PHF21B: variants seen among roughly 807,000 people sequenced by gnomAD.
PHF21B encodes the protein PHD finger protein 4.
PHF21B carries 22 observed loss-of-function variants against 62.2 expected under a neutral mutation model. That is an observed-to-expected ratio of 0.35 (90% CI 0.25 to 0.51). The LOEUF is 0.51. Among genes scored for constraint, PHF21B ranks in the 20% least tolerant of loss-of-function variants. PHF21B has a pLI of 0.97. For missense variants in PHF21B, 701 were observed against 707.9 expected (o/e 0.99, Z 0.11); for synonymous variants, 341 against 314.7 (o/e 1.08, Z -0.88).
chr22:44,941,060 C>G (rs568815637), intron 2 of PHF21B, among the ~76,000 whole-genome samples: 4 of 152,242 alleles, frequency 2.6e-5, no homozygotes, highest in African/African-American at 7.2e-5. Context: ...ATCCACAGCA[C>G]CCCGCAGCGC....
intron 2 of PHF21B, among the ~76,000 whole-genome samples, chr22:44,926,220 C>A (rs558308123): frequency 6.6e-6 from 1 of 151,608 alleles, no homozygotes; most frequent in Non-Finnish European, 1.5e-5. Flanking sequence ...AAGGCCCACA[C>A]GGCATGTGGG....
chr22:44,891,282 A>G, intron 8 of PHF21B, 24 bp downstream of exon 8: 1 of 1,613,018 alleles, frequency 6.2e-7, no homozygotes. Flanking sequence ...CAGCTCTGGC[A>G]GAAGGCCTGA....
intron 5 of PHF21B, 134 bp downstream of exon 5, chr22:44,913,688 G>C: frequency 1.5e-6 from 2 of 1,306,672 alleles, no homozygotes; most frequent in South Asian, 3.4e-5. Flanking sequence ...CCTGGTCGCC[G>C]ACTGCACAGG....
At chr22:44,992,112 T>G (rs929544935) in intron 2 of PHF21B, among the ~76,000 whole-genome samples, 2 of 152,266 alleles carry the variant, frequency 1.3e-5, no homozygotes, top group Non-Finnish European at 2.9e-5. Flanking sequence ...GTTCTCTCAG[T>G]GCATTCTTAG....
intron 2 of PHF21B, among the ~76,000 whole-genome samples, chr22:44,990,210 C>T (rs1389600081): frequency 6.6e-6 from 1 of 152,204 alleles, no homozygotes; most frequent in East Asian, 1.9e-4. Context: ...CTGGACTATG[C>T]CCCCAGAGGA....
chr22:44,901,839 T>C (rs921092309), intron 5 of PHF21B: 2 of 271,970 alleles, frequency 7.4e-6, no homozygotes, highest in Non-Finnish European at 1.4e-5. Context: ...GAGGAGAAGG[T>C]TCTTGCAACT....
chr22:44,983,746 A>C (rs1012235173), intron 2 of PHF21B, among the ~76,000 whole-genome samples: 1 of 152,346 alleles, frequency 6.6e-6, no homozygotes, highest in African/African-American at 2.4e-5. Flanking sequence ...CAGACTGTTT[A>C]CAAACTGCTA....
At chr22:44,935,507 G>A (rs1029376989) in intron 2 of PHF21B, among the ~76,000 whole-genome samples, 7 of 152,108 alleles carry the variant, frequency 4.6e-5, no homozygotes, top group African/African-American at 1.4e-4. Flanking sequence ...CCAGCTGCTC[G>A]GGAGGCTGAG....
chr22:44,980,520 G>A (rs1482005657), intron 2 of PHF21B, among the ~76,000 whole-genome samples: 1 of 152,180 alleles, frequency 6.6e-6, no homozygotes, highest in Non-Finnish European at 1.5e-5. Context: ...CAGCCCATAA[G>A]TAAAACCCAG....
At chr22:44,947,798 A>C (rs2072105471) in intron 2 of PHF21B, among the ~76,000 whole-genome samples, 2 of 152,056 alleles carry the variant, frequency 1.3e-5, no homozygotes, top group African/African-American at 4.8e-5. Context: ...GATATGTTTC[A>C]GTTTGTCACT....
chr22:44,968,750 C>CCCAAAAT lies in PHF21B; in HGVS notation c.120+39788_120+39794dup, dbSNP rs560650202. 4.0e-3 allele frequency among the ~76,000 whole-genome samples: 607 copies of CCCAAAAT among 152,230 alleles called. 6 individuals are homozygous for CCCAAAAT. Among genetic ancestry groups the CCCAAAAT allele is most frequent in the African/African-American group, 0.014 (593 of 41,532 alleles). ...TACTTATCCACTGAGCCTCGCTAAC[C>CCCAAAAT]CCAAAATCCAAAATCCAAAATGCTC... On this transcript the variant is annotated intron_variant, in intron 2 of 12. Coordinates refer to ENST00000313237, the MANE Select transcript of PHF21B (RefSeq NM_138415.5).
intron 2 of PHF21B, among the ~76,000 whole-genome samples, chr22:44,983,972 C>G (rs1419943924): frequency 6.6e-6 from 1 of 151,554 alleles, no homozygotes; most frequent in Non-Finnish European, 1.5e-5. Flanking sequence ...TCCGACATGC[C>G]GATGTCCTCA....
At chr22:44,904,065 A>G (rs1297920885) in intron 5 of PHF21B, among the ~76,000 whole-genome samples, 1 of 152,138 alleles carries the variant, frequency 6.6e-6, no homozygotes, top group Admixed American at 6.5e-5. Context: ...GCTGATTTAG[A>G]AATTATAGGT....
At chr22:45,006,829 C>G (rs2147547544) in intron 2 of PHF21B, among the ~76,000 whole-genome samples, 1 of 151,372 alleles carries the variant, frequency 6.6e-6, no homozygotes, top group South Asian at 2.1e-4. Flanking sequence ...CCTCAGCTAT[C>G]ACACTGGACC....
intron 1 of PHF21B, chr22:45,008,897 T>A: frequency 2.6e-6 from 3 of 1,167,590 alleles, no homozygotes; most frequent in Non-Finnish European, 3.2e-6. Flanking sequence ...GGGGTGCGTG[T>A]GCGAGTGAGT....
chr22:45,009,655 C>T lies in PHF21B; in HGVS notation c.-106G>A. On this transcript the variant is annotated 5_prime_UTR_variant, in exon 1 of 13. Coordinates refer to ENST00000313237, the MANE Select transcript of PHF21B (RefSeq NM_138415.5). This position sits in a 1 kb window ranked among gnomAD's most constrained non-coding sequence, Gnocchi z 5.9. ...GGCGCGGGCGGACGCGGCCTCCGGG[C>T]TGGGTTGGGGGGGACACGAGCCCCC... 1 of 1,135,896 alleles carries T rather than the reference C, an allele frequency of 8.8e-7. No individual in the cohort carries two copies. Among genetic ancestry groups the T allele is most frequent in the Non-Finnish European group, 1.2e-6 (1 of 852,314 alleles). 70.4% of individuals were successfully genotyped at this position (1,135,896 alleles called of 1,614,324 possible). A position where few individuals can be genotyped will look rare whatever the true frequency, so the allele number is the denominator to read the frequency against.
chr22:44,982,062 G>A (rs5766253), intron 2 of PHF21B, among the ~76,000 whole-genome samples: 105,409 of 152,218 alleles, frequency 0.69, 37,406 homozygotes, highest in East Asian at 0.87. Context: ...GGGAACGGGG[G>A]TGTGGCGGTG....
chr22:44,973,731 T>C (rs1197441637), intron 2 of PHF21B, among the ~76,000 whole-genome samples: 10 of 151,956 alleles, frequency 6.6e-5, no homozygotes, highest in African/African-American at 2.4e-4. Context: ...GTACCCACTG[T>C]ATTCCCAGCT....
At chr22:44,989,901 T>C (rs2073015889) in intron 2 of PHF21B, among the ~76,000 whole-genome samples, 1 of 152,194 alleles carries the variant, frequency 6.6e-6, no homozygotes, top group Non-Finnish European at 1.5e-5. Flanking sequence ...TGAGCCACCA[T>C]GCCCAGCCGT....
Sources: gnomAD v4.1 joint callset for allele counts (sites outside exome capture counted in the v4.1 genomes callset) on GRCh38, gnomAD v4.1.1 for gene constraint, Gnocchi (gnomAD v3.1) non-coding constraint, MANE v1.5 for transcripts, NCBI Gene and HGNC (gene_info 2026-07-23, HGNC 2026-07-21) for gene names.